The following CRYZ variants were observed in gnomAD, a reference collection of about 807,000 sequenced individuals.
The protein encoded by CRYZ is crystallin zeta.
In CRYZ, 35 loss-of-function variants were observed where a neutral mutation model predicts 34.1. That is an observed-to-expected ratio of 1.03 (90% CI 0.78 to 1.36). The LOEUF is 1.36. Among genes scored for constraint, CRYZ ranks in the 40% most tolerant of loss-of-function variants. The probability of loss-of-function intolerance (pLI) is 0.00; values close to 1 mark genes in which losing one functional copy is unlikely to be tolerated. For missense variants in CRYZ, 403 were observed against 391.8 expected (o/e 1.03, Z -0.24); for synonymous variants, 137 against 136.5 (o/e 1.00, Z -0.03).
chr1:74,726,146 C>T (rs1647326494), intron 1 of CRYZ, among the ~76,000 whole-genome samples: 1 of 152,192 alleles, frequency 6.6e-6, no homozygotes, highest in Non-Finnish European at 1.5e-5. Context: ...GCCTTCTTCT[C>T]ACAGCTCCAC....
intron 6 of CRYZ, among the ~76,000 whole-genome samples, chr1:74,709,735 T>A (rs1229373086): frequency 6.6e-6 from 1 of 152,202 alleles, no homozygotes; most frequent in Non-Finnish European, 1.5e-5. Context: ...TACAGATATC[T>A]CACCTTCCAT....
At chr1:74,723,333 G>C in intron 2 of CRYZ, 63 bp from the exon 3 acceptor site, 1 of 1,499,982 alleles carries the variant, frequency 6.7e-7, no homozygotes, top group Non-Finnish European at 9.1e-7. Context: ...CTTTATGCTA[G>C]GACTGTGCTG....
In CRYZ at chr1:74,706,181, T is replaced by C. The variant is rs1411496640; in HGVS notation, c.*115A>G. On this transcript the variant is annotated 3_prime_UTR_variant, in exon 9 of 9. Transcript: ENST00000340866. The stretch of plus-strand genomic sequence containing the variant: ...TGCTCTCTAAAGAAAAATCTTATTT[T>C]TTCACATAAGAAGCTCATGGAATCG... The C allele has an allele frequency of 1.1e-6, 1 of 931,312 alleles. No individual in the cohort carries two copies. Among genetic ancestry groups the C allele is most frequent in the Non-Finnish European group, 1.5e-6 (1 of 645,240 alleles). The allele number at this position is 931,312 out of a possible 1,614,324, so 57.7% of individuals were successfully genotyped here. A position where few individuals can be genotyped will look rare whatever the true frequency, so the allele number is the denominator to read the frequency against.
chr1:74,706,350 A>G lies in CRYZ; in HGVS notation c.936T>C (p.His312=), dbSNP rs1457939349. The change falls in exon 9 of 9, where the codon CAT becomes CAC. Residue 312 remains histidine (H), a synonymous_variant. Transcript: ENST00000340866. ...CCCCACTACCATGAATGATATTTTC[A>G]TGAGCCTCGGCCACCTTCTCCAATG... The part of the protein sequence containing the change: ...QYPLEKVAEA[H]ENIIHGSGAT... The G allele has an allele frequency of 9.3e-6, 15 of 1,612,690 alleles. No homozygotes were observed. The highest frequency in any genetic ancestry group is 1.3e-5 in the Non-Finnish European group (15 of 1,179,318).
intron 1 of CRYZ, among the ~76,000 whole-genome samples, chr1:74,728,447 G>A (rs74578966): frequency 0.01 from 1,551 of 152,264 alleles, 38 homozygotes; most frequent in African/African-American, 0.035. Flanking sequence ...TTATCTGTGG[G>A]TTATAATTTC....
At chr1:74,708,023 G>A (rs17552134) in intron 6 of CRYZ, 4,958 of 152,172 alleles carry the variant, frequency 0.033, 106 homozygotes, top group Non-Finnish European at 0.046. Context: ...TGGGCCCTCA[G>A]GGATGAATAG....
At chr1:74,726,654 C>G (rs28796647) in intron 1 of CRYZ, among the ~76,000 whole-genome samples, 59,868 of 152,092 alleles carry the variant, frequency 0.39, 14,444 homozygotes, top group Non-Finnish European at 0.55. Flanking sequence ...CAAGTTTCTG[C>G]GGCTGGCTTG....
chr1:74,719,946 A>T (rs989864657), intron 3 of CRYZ, among the ~76,000 whole-genome samples: 1 of 152,094 alleles, frequency 6.6e-6, no homozygotes, highest in African/African-American at 2.4e-5. Flanking sequence ...GTCCATGAAG[A>T]GCTTGCTATA....
intron 4 of CRYZ, among the ~76,000 whole-genome samples, chr1:74,716,664 C>A (rs1343485370): frequency 6.6e-6 from 1 of 152,138 alleles, no homozygotes. Flanking sequence ...TATCCTAATT[C>A]TGAAAACCCA....
intron 5 of CRYZ, among the ~76,000 whole-genome samples, chr1:74,711,622 A>G (rs1229882996): frequency 1.3e-5 from 2 of 152,192 alleles, no homozygotes; most frequent in Non-Finnish European, 1.5e-5. Context: ...GTGGTGGCGC[A>G]TGCCTGTAAT....
Position 74,723,254 on chromosome 1 carries a change from T to A in CRYZ, c.128A>T (p.His43Leu). The A allele has an allele frequency of 1.2e-6, 2 of 1,607,972 alleles. No homozygotes were observed. The highest frequency in any genetic ancestry group is 1.7e-5 in the Admixed American group (1 of 58,180). The change falls in exon 3 of 9, where the codon CAT (histidine) becomes CTT (leucine). Residue 43 changes from histidine to leucine, a missense_variant. Physicochemically the swap from His to Leu is moderately conservative, Grantham distance 99. Transcript: ENST00000340866. ...PKDHQVLIKV[H>L]ACGVNPVETY... ...CTCCACGGGGTTGACACCACATGCA[T>A]GGACCTTGATTAGAACCTGCAATGA...
At chr1:74,726,473 A>C (rs930367491) in intron 1 of CRYZ, among the ~76,000 whole-genome samples, 1 of 152,192 alleles carries the variant, frequency 6.6e-6, no homozygotes, top group Non-Finnish European at 1.5e-5. Flanking sequence ...CCAAGTCCCT[A>C]GGCTGCACAC....
intron 3 of CRYZ, among the ~76,000 whole-genome samples, chr1:74,722,095 A>C (rs1482820238): frequency 3.3e-5 from 5 of 152,148 alleles, no homozygotes; most frequent in African/African-American, 7.2e-5. Context: ...AGATTATGAA[A>C]AAGGTAAAGA....
chr1:74,715,981 A>C (rs1035715622), intron 4 of CRYZ, among the ~76,000 whole-genome samples: 1 of 151,854 alleles, frequency 6.6e-6, no homozygotes, highest in Non-Finnish European at 1.5e-5. Flanking sequence ...ACCCTCTAGA[A>C]TGTGGGTGGG....
In CRYZ at chr1:74,714,658, C is replaced by A. The variant is rs1026687398; in HGVS notation, c.429-28G>T. On this transcript the variant is annotated intron_variant, in intron 4 of 8. Transcript: ENST00000340866. Reference sequence around the variant, plus strand: ...GCAAAGGAAAGCATAAGTTACATCACCTTATTTTTTGAAGCTAATTAATCT... The same window carrying A: ...GCAAAGGAAAGCATAAGTTACATCAACTTATTTTTTGAAGCTAATTAATCT... 3.1e-6 allele frequency: 5 copies of A among 1,611,870 alleles called. No individual in the cohort carries two copies. The African/African-American group carries it at 5.3e-5, about 17-fold the overall frequency.
chr1:74,730,892 T>C (rs886769561), intron 1 of CRYZ, among the ~76,000 whole-genome samples: 1 of 152,208 alleles, frequency 6.6e-6, no homozygotes, highest in Non-Finnish European at 1.5e-5. Flanking sequence ...CTAAGGCATC[T>C]GCTTAGAGTT....
At chr1:74,732,343 G>T (rs982351382) in intron 1 of CRYZ, among the ~76,000 whole-genome samples, 2 of 140,176 alleles carry the variant, frequency 1.4e-5, no homozygotes, top group African/African-American at 5.4e-5. Context: ...CCCTACAGCT[G>T]ACAGGTGGGC....
At chr1:74,715,738 A>G (rs1647062959) in intron 4 of CRYZ, among the ~76,000 whole-genome samples, 1 of 152,164 alleles carries the variant, frequency 6.6e-6, no homozygotes, top group African/African-American at 2.4e-5. Flanking sequence ...CTCAAACACT[A>G]AAGACACATT....
intron 5 of CRYZ, among the ~76,000 whole-genome samples, chr1:74,710,865 T>G (rs1450254964): frequency 6.6e-6 from 1 of 152,162 alleles, no homozygotes; most frequent in Non-Finnish European, 1.5e-5. Flanking sequence ...AATAGTCATA[T>G]GAATGAATAA....
Sources: gnomAD v4.1 joint callset for allele counts (sites outside exome capture counted in the v4.1 genomes callset) on GRCh38, gnomAD v4.1.1 for gene constraint, MANE v1.5 for transcripts, NCBI Gene and HGNC (gene_info 2026-07-23, HGNC 2026-07-21) for gene names.